Variants in IDH2 observed in about 807,000 individuals in gnomAD.
IDH2 encodes the protein isocitrate dehydrogenase (NADP(+)) 2.
A neutral mutation model predicts 50.5 loss-of-function variants in IDH2; 18 were observed. The observed-to-expected ratio is 0.36, with a 90% CI of 0.25 to 0.53. The LOEUF (loss-of-function observed/expected upper bound fraction) is 0.53. Among genes scored for constraint, IDH2 ranks in the 20% least tolerant of loss-of-function variants. IDH2 has a pLI of 0.92. For missense variants in IDH2, 518 were observed against 610.7 expected (o/e 0.85, Z 1.60); for synonymous variants, 280 against 239.8 (o/e 1.17, Z -1.55).
intron 1 of IDH2, among the ~76,000 whole-genome samples, chr15:90,101,468 C>T (rs1328295028): frequency 6.6e-6 from 1 of 152,138 alleles, no homozygotes; most frequent in Admixed American, 6.5e-5. Flanking sequence ...CTAAGTCTTG[C>T]TTATTACGAC....
chr15:90,088,448 T>A lies in IDH2; in HGVS notation c.589A>T (p.Thr197Ser), dbSNP rs1900932649. 2 of 1,614,060 alleles carry A rather than the reference T, an allele frequency of 1.2e-6. No individual in the cohort carries two copies. The highest frequency in any genetic ancestry group is 1.7e-6 in the Non-Finnish European group (2 of 1,180,038). ...DRAGTFKMVF[T>S]PKDGSGVKEW... The stretch of plus-strand genomic sequence containing the variant: ...TTGACACCACTGCCATCTTTTGGGG[T>A]GAAGACCATTTTGAAAGTGCCGGCC... Residue 197 changes from threonine (T) to serine (S), a missense_variant, in exon 5 of 11, where the codon ACC (threonine) becomes TCC (serine). By Grantham distance (58) the Thr-to-Ser change is moderately conservative. Transcript: ENST00000330062.
At chr15:90,095,459 T>G (rs926501369) in intron 1 of IDH2, among the ~76,000 whole-genome samples, 48 of 141,694 alleles carry the variant, frequency 3.4e-4, no homozygotes, top group African/African-American at 1.2e-3. Context: ...TGAGGACAGC[T>G]AATCAAATTT....
At position 90,089,299 on chromosome 15, in the gene IDH2, G is replaced by C. The variant is rs535118085; in HGVS notation, c.374-552C>G. On this transcript the variant is annotated intron_variant, in intron 3 of 10. Coordinates refer to ENST00000330062, the MANE Select transcript of IDH2 (RefSeq NM_002168.4). ...ATTACTGGAAAAATAACCAGCCTAA[G>C]TGTTGTCGTGAGGACGAAATGAGCT... Among the ~76,000 whole-genome samples the C allele has an allele frequency of 3.3e-5, 5 of 152,330 alleles. No homozygotes were observed. In the East Asian group the frequency reaches 9.7e-4, roughly 29 times the overall value.
In IDH2 at chr15:90,083,060, G is replaced by A. The variant is rs533012917; in HGVS notation, c.*1206C>T. ...AGGACAGTCCTTTTGATTATATGTA[G>A]CTTTAGAGCAACTTTTATTTTTCCT... On this transcript the variant is annotated 3_prime_UTR_variant, in exon 11 of 11. Transcript: ENST00000330062. 7.4e-5 allele frequency: 11 copies of A among 149,120 alleles called. No individual in the cohort carries two copies. The highest frequency in any genetic ancestry group is 2.7e-4 in the African/African-American group (11 of 40,506). The allele number at this position is 149,120 out of a possible 1,614,324, so 9.2% of individuals were successfully genotyped here. A position where few individuals can be genotyped will look rare whatever the true frequency, so the allele number is the denominator to read the frequency against.
In IDH2 at chr15:90,085,823, C is replaced by A. The variant is rs942783788; in HGVS notation, c.968-436G>T. On this transcript the variant is annotated intron_variant, in intron 7 of 10. Coordinates refer to ENST00000330062, the MANE Select transcript of IDH2 (RefSeq NM_002168.4). This position sits in a 1 kb window ranked among gnomAD's most constrained non-coding sequence, Gnocchi z 5.5. Reference sequence around the variant, plus strand: ...TGCAGCTACTCTCTTAGGCCACTTTCAAGCTTTTTGATTAATTTCTGAATG... The same window carrying A: ...TGCAGCTACTCTCTTAGGCCACTTTAAAGCTTTTTGATTAATTTCTGAATG... Among the ~76,000 whole-genome samples the A allele has an allele frequency of 1.3e-5, 2 of 152,316 alleles. No homozygotes were observed. Among genetic ancestry groups the A allele is most frequent in the South Asian group, 4.1e-4 (2 of 4,828 alleles).
chr15:90,086,072 T>G (rs573394885), intron 7 of IDH2, among the ~76,000 whole-genome samples: 1 of 152,332 alleles, frequency 6.6e-6, no homozygotes, highest in East Asian at 1.9e-4. Context: ...TAAGGTTCAT[T>G]TTCATGCCTC....
intron 5 of IDH2, among the ~76,000 whole-genome samples, chr15:90,087,806 CTTTT>C (rs769048437): frequency 2.1e-4 from 25 of 119,368 alleles, no homozygotes; most frequent in African/African-American, 7.4e-4. Context: ...AAAACACCGC[CTTTT>C]TTTTTTTTTT....
rs376829788 is a variant in IDH2, at chr15:90,084,884, C to T, written c.1203G>A (p.Val401=). The part of the protein sequence containing the change: ...LIRFAQMLEK[V]CVETVESGAM... ...CTCCACTCTCCACCGTCTCCACGCA[C>T]ACCTTCTCCAGCATCTGGGCAAACC... Residue 401 remains valine, a synonymous_variant, in exon 10 of 11, where the codon GTG becomes GTA. Coordinates refer to ENST00000330062, the MANE Select transcript of IDH2 (RefSeq NM_002168.4). This position sits in a 1 kb window ranked among gnomAD's most constrained non-coding sequence, Gnocchi z 5.0. 1.9e-6 allele frequency: 3 copies of T among 1,614,116 alleles called. No homozygotes were observed. The highest frequency in any genetic ancestry group is 2.5e-6 in the Non-Finnish European group (3 of 1,180,018).
At chr15:90,091,731 G>T in intron 1 of IDH2, 87 bp from the exon 2 acceptor site, 1 of 1,098,676 alleles carries the variant, frequency 9.1e-7, no homozygotes, top group Non-Finnish European at 1.4e-6. Context: ...CCTTCACCAG[G>T]AGACAGTGGC....
At chr15:90,090,151 G>A in intron 3 of IDH2, among the ~76,000 whole-genome samples, 1 of 152,214 alleles carries the variant, frequency 6.6e-6, no homozygotes, top group Non-Finnish European at 1.5e-5. Flanking sequence ...CCAGAGTGAA[G>A]CAGAAACACC....
rs748291315 is a variant in IDH2, at chr15:90,084,828, T to A, written c.1259A>T (p.His420Leu). The change falls in exon 10 of 11, where the codon CAC becomes CTC. Residue 420 changes from histidine (H) to leucine (L), a missense_variant. His to Leu is a moderately conservative substitution (Grantham distance 99, BLOSUM62 -3). This residue lies in a region of IDH2 where 135 missense variants were observed against 167.6 expected (regional missense o/e 0.81). Transcript: ENST00000330062. This position sits in a 1 kb window ranked among gnomAD's most constrained non-coding sequence, Gnocchi z 5.0. The part of the protein sequence containing the change: ...AMTKDLAGCI[H>L]GLSNVKLNEH... Reference sequence around the variant, plus strand: ...CCAGGCCACGCACTTGCTGAGGCCGTGAATGCAGCCCGCCAGGTCCTTGGT... The same window carrying A: ...CCAGGCCACGCACTTGCTGAGGCCGAGAATGCAGCCCGCCAGGTCCTTGGT... The A allele has an allele frequency of 1.2e-6, 2 of 1,613,822 alleles. No individual in the cohort carries two copies. Among genetic ancestry groups the A allele is most frequent in the Admixed American group, 3.3e-5 (2 of 60,014 alleles).
chr15:90,087,083 C>G lies in IDH2; in HGVS notation c.967+29G>C, dbSNP rs748779376. The G allele has an allele frequency of 8.7e-6, 14 of 1,613,156 alleles. No homozygotes were observed. In the South Asian group the frequency reaches 1.4e-4, roughly 16 times the overall value. On this transcript the variant is annotated intron_variant, in intron 7 of 10. Transcript: ENST00000330062. ...GCCAGAGAAGACCAACAGTCCACCCCCACAGGGAGCAGCGTCCTCCCAGCG... is the reference window on the plus strand; with the variant it reads ...GCCAGAGAAGACCAACAGTCCACCCGCACAGGGAGCAGCGTCCTCCCAGCG...
Position 90,100,535 on chromosome 15 carries a change from G to T in IDH2, c.115+1741C>A. On this transcript the variant is annotated intron_variant, in intron 1 of 10. Transcript: ENST00000330062. This position sits in a 1 kb window ranked among gnomAD's most constrained non-coding sequence, Gnocchi z 4.1. ...AGATAAGTAATTCTGCCACTGAGCC[G>T]TTCACAGAACTGGTCCGCACTGCCC... is the stretch of plus-strand genomic sequence containing the variant. 2 of 701,472 alleles carry T rather than the reference G, an allele frequency of 2.9e-6. No homozygotes were observed. The highest frequency in any genetic ancestry group is 3.5e-6 in the Non-Finnish European group (2 of 570,534). 43.5% of individuals were successfully genotyped at this position (701,472 alleles called of 1,614,324 possible).
intron 1 of IDH2, among the ~76,000 whole-genome samples, chr15:90,096,697 G>A (rs1204638251): frequency 1.3e-5 from 2 of 152,088 alleles, no homozygotes; most frequent in Non-Finnish European, 2.9e-5. Context: ...GGTGGATCAC[G>A]AGGTCAGAAG....
At chr15:90,095,472 T>TAAA (rs10622800) in intron 1 of IDH2, among the ~76,000 whole-genome samples, 20,862 of 143,302 alleles carry the variant, frequency 0.15, 1,959 homozygotes, top group Non-Finnish European at 0.21. Context: ...TCAAATTTGT[T>TAAA]AAAAAAAAAA....
intron 1 of IDH2, among the ~76,000 whole-genome samples, chr15:90,093,730 C>A (rs567694248): frequency 1.6e-3 from 237 of 152,314 alleles, no homozygotes; most frequent in Middle Eastern, 3.4e-3. Context: ...AGCGATTCTG[C>A]TGTCTCAGCT....
Position 90,085,361 on chromosome 15 carries a change from A to G in IDH2, c.994T>C (p.Ser332Pro). 6.4e-7 allele frequency: 1 copy of G among 1,557,420 alleles called. No individual in the cohort carries two copies. Among genetic ancestry groups the G allele is most frequent in the Non-Finnish European group, 8.7e-7 (1 of 1,149,886 alleles). ...QGFGSLGLMTSVLVCPDGKTI... is the reference protein window; with the variant it reads ...QGFGSLGLMTPVLVCPDGKTI... The stretch of plus-strand genomic sequence containing the variant: ...TTCCCATCAGGGCAGACCAGGACGG[A>G]CGTCATCAGGCCAAGGGAGCCAAAG... The change falls in exon 8 of 11, where the codon TCC becomes CCC. Residue 332 changes from serine to proline, a missense_variant. By Grantham distance (74) the Ser-to-Pro change is moderately conservative. Transcript: ENST00000330062. The surrounding 1 kb of genome is among the most constrained non-coding windows in gnomAD (Gnocchi z 5.5).
chr15:90,088,852 A>C, intron 3 of IDH2, 105 bp from the exon 4 acceptor site: 2 of 1,220,716 alleles, frequency 1.6e-6, no homozygotes, highest in South Asian at 2.5e-5. Context: ...AAAATTCTTC[A>C]TGAGGAAGGC....
chr15:90,084,944 C>T lies in IDH2; in HGVS notation c.1179-36G>A, dbSNP rs1900818104. On this transcript the variant is annotated intron_variant, in intron 9 of 10. Coordinates refer to ENST00000330062, the MANE Select transcript of IDH2 (RefSeq NM_002168.4). The surrounding 1 kb of genome is among the most constrained non-coding windows in gnomAD (Gnocchi z 5.0). ...GGGGCAGAATGAGACCCCATCTGTGCAAGGGCAGGACCCAGAGCCTGTCCT... is the reference window on the plus strand; with the variant it reads ...GGGGCAGAATGAGACCCCATCTGTGTAAGGGCAGGACCCAGAGCCTGTCCT... The T allele has an allele frequency of 6.2e-7, 1 of 1,612,282 alleles. No individual in the cohort carries two copies. The highest frequency in any genetic ancestry group is 8.5e-7 in the Non-Finnish European group (1 of 1,178,614).
Sources: gnomAD v4.1 joint callset for allele counts (sites outside exome capture counted in the v4.1 genomes callset) on GRCh38, gnomAD v4.1.1 for gene constraint, gnomAD v4.1.1 regional missense constraint, Gnocchi (gnomAD v3.1) non-coding constraint, MANE v1.5 for transcripts, NCBI Gene and HGNC (gene_info 2026-07-23, HGNC 2026-07-21) for gene names.